Variants in PPP2R2C observed in about 807,000 individuals in gnomAD.
The protein encoded by PPP2R2C is protein phosphatase 2, regulatory subunit B, gamma.
A neutral mutation model predicts 45.3 loss-of-function variants in PPP2R2C; 10 were observed. The ratio of observed to expected loss-of-function variants is 0.22; its 90% CI spans 0.14 to 0.37. The LOEUF is 0.37. Ranked by LOEUF, PPP2R2C falls within the 10% of genes least tolerant of loss-of-function variation. The pLI is 1.00. For synonymous variants in PPP2R2C, 257 were observed against 245.4 expected (o/e 1.05, Z -0.44); for missense variants, 308 against 619.7 (o/e 0.50, Z 5.34).
At chr4:6,443,656 CACT>C (rs1720270171) in intron 1 of PPP2R2C, among the ~76,000 whole-genome samples, 1 of 152,214 alleles carries the variant, frequency 6.6e-6, no homozygotes, top group South Asian at 2.1e-4. Context: ...GTGACTCAGT[CACT>C]CTGAGCCTCG....
intron 5 of PPP2R2C, among the ~76,000 whole-genome samples, chr4:6,370,087 G>A (rs755786556): frequency 8.5e-5 from 13 of 152,340 alleles, no homozygotes; most frequent in African/African-American, 2.6e-4. Flanking sequence ...ACCCAAGTCC[G>A]GCAGGAAGGA....
chr4:6,326,130 C>A (rs35604891), intron 8 of PPP2R2C, among the ~76,000 whole-genome samples: 9,435 of 152,290 alleles, frequency 0.062, 390 homozygotes, highest in South Asian at 0.11. Flanking sequence ...CCACACAGAG[C>A]CAATCAGATC....
chr4:6,478,831 G>A (rs1469160931), intron 2 of PPP2R2C, among the ~76,000 whole-genome samples: 4 of 152,218 alleles, frequency 2.6e-5, no homozygotes, highest in African/African-American at 7.2e-5. Flanking sequence ...TCTGACCCCT[G>A]TTATCTTCTT....
chr4:6,460,934 G>T (rs900111394), intron 1 of PPP2R2C, among the ~76,000 whole-genome samples: 2 of 151,724 alleles, frequency 1.3e-5, no homozygotes, highest in South Asian at 2.1e-4. Flanking sequence ...TTCCCATCCC[G>T]CTCCAGCTCC....
intron 1 of PPP2R2C, among the ~76,000 whole-genome samples, chr4:6,412,906 C>G (rs1273015386): frequency 6.6e-6 from 1 of 152,328 alleles, no homozygotes; most frequent in South Asian, 2.1e-4. Flanking sequence ...ACCTGTGAAC[C>G]AGGCATACGG....
intron 1 of PPP2R2C, among the ~76,000 whole-genome samples, chr4:6,385,123 A>G (rs562314023): frequency 6.6e-6 from 1 of 152,270 alleles, no homozygotes; most frequent in African/African-American, 2.4e-5. Context: ...CTGCCACAGA[A>G]TTGACAGCCA....
At position 6,346,197 on chromosome 4, in the gene PPP2R2C, C is replaced by T. The variant is rs1200357923; in HGVS notation, c.790+1649G>A. ...CAGCGACCTCTGACGCCTGCTCCCCCGGGGACCCTCTGCGGCGTCTCCTCT... is the reference window on the plus strand; with the variant it reads ...CAGCGACCTCTGACGCCTGCTCCCCTGGGGACCCTCTGCGGCGTCTCCTCT... On this transcript the variant is annotated intron_variant, in intron 6 of 8. Coordinates refer to ENST00000382599, the MANE Select transcript of PPP2R2C (RefSeq NM_020416.4). 9.2e-5 allele frequency among the ~76,000 whole-genome samples: 14 copies of T among 152,298 alleles called. No homozygotes were observed. In the East Asian group the frequency reaches 9.7e-4, roughly 11 times the overall value.
intron 1 of PPP2R2C, chr4:6,381,795 A>C: frequency 1.9e-6 from 3 of 1,613,858 alleles, no homozygotes; most frequent in Non-Finnish European, 2.5e-6. Context: ...TTCAATGCCC[A>C]GGGCTGGCCT....
chr4:6,458,978 C>T (rs115562431), intron 1 of PPP2R2C, among the ~76,000 whole-genome samples: 115 of 152,320 alleles, frequency 7.5e-4, no homozygotes, highest in Non-Finnish European at 1.5e-3. Context: ...GAGAACAGAA[C>T]ATCTAGACAA....
rs74830633 is a variant in PPP2R2C, at chr4:6,368,082, T to C, written c.625+4441A>G. ...ACACGGCAGGGTGTGCGGCCAGGGA[T>C]GTTCCCAGGATCCACAGGGGCCCCC... On this transcript the variant is annotated intron_variant, in intron 5 of 8. Coordinates refer to ENST00000382599, the MANE Select transcript of PPP2R2C (RefSeq NM_020416.4). The surrounding 1 kb of genome is among the most constrained non-coding windows in gnomAD (Gnocchi z 4.2). 6.6e-6 allele frequency among the ~76,000 whole-genome samples: 1 copy of C among 152,106 alleles called. No homozygotes were observed. The highest frequency in any genetic ancestry group is 2.4e-5 in the African/African-American group (1 of 41,414).
At chr4:6,416,058 T>C (rs16838780) in intron 1 of PPP2R2C, among the ~76,000 whole-genome samples, 44,428 of 152,100 alleles carry the variant, frequency 0.29, 6,888 homozygotes, top group East Asian at 0.61. Flanking sequence ...TCACCCTGGG[T>C]CTTTCTATTT....
intron 1 of PPP2R2C, among the ~76,000 whole-genome samples, chr4:6,425,234 C>T (rs1448774412): frequency 6.6e-6 from 1 of 152,162 alleles, no homozygotes; most frequent in African/African-American, 2.4e-5. Context: ...ACCTGTCGGC[C>T]CCTCCCACAA....
At chr4:6,520,183 G>A (rs1323069746) in intron 2 of PPP2R2C, among the ~76,000 whole-genome samples, 1 of 152,060 alleles carries the variant, frequency 6.6e-6, no homozygotes, top group East Asian at 1.9e-4. Flanking sequence ...GGGGTCCTAA[G>A]AACCTCAAGA....
chr4:6,539,544 C>T (rs1440887728), intron 1 of PPP2R2C, among the ~76,000 whole-genome samples: 1 of 152,186 alleles, frequency 6.6e-6, no homozygotes, highest in East Asian at 1.9e-4. Flanking sequence ...TATGTTGTAA[C>T]ATCACAGAGG....
intron 1 of PPP2R2C, among the ~76,000 whole-genome samples, chr4:6,386,394 C>T (rs1328920955): frequency 1.3e-5 from 2 of 152,176 alleles, no homozygotes; most frequent in Non-Finnish European, 2.9e-5. Flanking sequence ...AGAGAGCCAC[C>T]AAGACAGATC....
At chr4:6,526,383 C>T (rs868679493) in intron 2 of PPP2R2C, among the ~76,000 whole-genome samples, 3 of 152,218 alleles carry the variant, frequency 2.0e-5, no homozygotes, top group Non-Finnish European at 2.9e-5. Flanking sequence ...AGAAAGCTCT[C>T]GGCGCTCAGT....
At chr4:6,433,371 T>C (rs760229048) in intron 1 of PPP2R2C, among the ~76,000 whole-genome samples, 6 of 152,214 alleles carry the variant, frequency 3.9e-5, no homozygotes, top group Non-Finnish European at 7.3e-5. Flanking sequence ...AGTGGTGGCA[T>C]GAGTTTCCAT....
intron 1 of PPP2R2C, among the ~76,000 whole-genome samples, chr4:6,404,893 C>T (rs1422276222): frequency 2.6e-5 from 4 of 152,226 alleles, no homozygotes; most frequent in African/African-American, 4.8e-5. Flanking sequence ...TCAGGTCCGC[C>T]CTGCCCCGTG....
At chr4:6,350,499 C>T (rs1472592723) in intron 5 of PPP2R2C, 2 of 985,462 alleles carry the variant, frequency 2.0e-6, no homozygotes, top group Non-Finnish European at 2.4e-6. Context: ...GCAACAGAAG[C>T]GCCCAGGAAC....
Sources: allele counts gnomAD v4.1 joint callset (sites outside exome capture counted in the v4.1 genomes callset), GRCh38; gene constraint gnomAD v4.1.1; non-coding constraint Gnocchi (gnomAD v3.1); transcripts MANE v1.5; gene names NCBI Gene and HGNC (gene_info 2026-07-23, HGNC 2026-07-21).